STK3: variants seen among roughly 807,000 people sequenced by gnomAD.
STK3 encodes serine/threonine kinase 3, also known as serine/threonine-protein kinase 3.
Under a neutral mutation model 58.0 loss-of-function variants are expected in STK3, and 41 were observed. The ratio of observed to expected loss-of-function variants is 0.71; its 90% CI spans 0.55 to 0.92. The LOEUF (loss-of-function observed/expected upper bound fraction) is 0.92. STK3 is among the 40% of genes least tolerant of loss of function. STK3 has a pLI of 0.00. For missense variants in STK3, 479 were observed against 602.7 expected (o/e 0.79, Z 2.15); for synonymous variants, 170 against 191.0 (o/e 0.89, Z 0.91).
chr8:98,792,742 C>T (rs1832884705), intron 1 of STK3, among the ~76,000 whole-genome samples: 1 of 152,126 alleles, frequency 6.6e-6, no homozygotes, highest in South Asian at 2.1e-4. Flanking sequence ...CCATTTGCTC[C>T]AGCAATCCCA....
intron 3 of STK3, among the ~76,000 whole-genome samples, chr8:98,860,323 G>C (rs563627377): frequency 1.3e-5 from 2 of 152,344 alleles, no homozygotes; most frequent in South Asian, 4.1e-4. Flanking sequence ...GTCTCCCAGA[G>C]AGGTGACGTC....
rs1166010150 is a variant in STK3 at position 98,633,915 on chromosome 8, CT to C, written c.685-37747del. 1.4e-5 allele frequency: 4 copies of C among 281,158 alleles called. No individual in the cohort carries two copies. The Admixed American group carries it at 1.9e-4, about 13-fold the overall frequency. The allele number at this position is 281,158 out of a possible 1,614,324, so 17.4% of individuals were successfully genotyped here. A position where few individuals can be genotyped will look rare whatever the true frequency, so the allele number is the denominator to read the frequency against. ...AACCTGGTAAGTTGTCAAGGGTTAG[CT>C]GTACAACTAGCTAGAAGTTTCAGAA... On this transcript the variant is annotated intron_variant, in intron 6 of 10. Coordinates refer to ENST00000419617, the MANE Select transcript of STK3 (RefSeq NM_006281.4).
At chr8:98,636,568 G>A (rs1304438368) in intron 6 of STK3, among the ~76,000 whole-genome samples, 1 of 152,082 alleles carries the variant, frequency 6.6e-6, no homozygotes, top group Non-Finnish European at 1.5e-5. Context: ...AGAAATATGT[G>A]TTAAAGACAA....
At chr8:98,776,747 C>T (rs6991345) in intron 1 of STK3, among the ~76,000 whole-genome samples, 2,681 of 147,842 alleles carry the variant, frequency 0.018, 73 homozygotes, top group African/African-American at 0.064. Flanking sequence ...TTCTGTATGT[C>T]AAGATAAAAA....
chr8:98,471,094 GTGGCTTACAGCTCGATCAC>G (rs1009599788), intron 10 of STK3, among the ~76,000 whole-genome samples: 2 of 152,188 alleles, frequency 1.3e-5, no homozygotes, highest in African/African-American at 4.8e-5. Context: ...TAGAGGATGA[GTGGCTTACAGCTCGATCAC>G]TGGCTCCTGA....
chr8:98,651,290 A>G (rs767049368), intron 6 of STK3, among the ~76,000 whole-genome samples: 1 of 152,214 alleles, frequency 6.6e-6, no homozygotes, highest in Non-Finnish European at 1.5e-5. Context: ...TCCTGTCTGT[A>G]GGAAGGAAAA....
At chr8:98,924,774 T>G (rs572570976) in intron 1 of STK3, among the ~76,000 whole-genome samples, 2 of 152,300 alleles carry the variant, frequency 1.3e-5, no homozygotes, top group South Asian at 4.1e-4. Context: ...AACTCAGTAT[T>G]AGAAGCTAGG....
chr8:98,435,597 C>A (rs557633327), intron 2 of STK3, among the ~76,000 whole-genome samples: 1 of 149,186 alleles, frequency 6.7e-6, no homozygotes, highest in African/African-American at 2.5e-5. Context: ...TGCAGGTGGA[C>A]GGGGAGGCGG....
chr8:98,452,589 G>A (rs975836734), downstream of STK3, among the ~76,000 whole-genome samples: 1 of 151,936 alleles, frequency 6.6e-6, no homozygotes, highest in Non-Finnish European at 1.5e-5. Flanking sequence ...TTACATTCAC[G>A]ATACTGTATT....
chr8:98,751,069 C>T (rs1829944629), intron 3 of STK3, among the ~76,000 whole-genome samples: 1 of 152,238 alleles, frequency 6.6e-6, no homozygotes, highest in Non-Finnish European at 1.5e-5. Context: ...ATGTTAAAAA[C>T]TCTCAACAAA....
chr8:98,446,882 A>G (rs747679405), intron 1 of STK3, among the ~76,000 whole-genome samples: 5 of 152,340 alleles, frequency 3.3e-5, no homozygotes, highest in Non-Finnish European at 7.3e-5. Context: ...TACAGTATAT[A>G]TACACCATAG....
chr8:98,792,896 A>ATGTGTGTG (rs34465301), intron 1 of STK3, among the ~76,000 whole-genome samples: 29 of 145,758 alleles, frequency 2.0e-4, no homozygotes, highest in East Asian at 8.0e-4. Flanking sequence ...AAGAGACTGT[A>ATGTGTGTG]TGTGTGTGTG....
intron 10 of STK3, among the ~76,000 whole-genome samples, chr8:98,504,970 T>A (rs1227297898): frequency 6.6e-6 from 1 of 152,212 alleles, no homozygotes; most frequent in Non-Finnish European, 1.5e-5. Context: ...TCCTGGATAA[T>A]ATCCTGAAAA....
intron 4 of STK3, among the ~76,000 whole-genome samples, chr8:98,737,798 C>CG (rs1385538859): frequency 6.6e-6 from 1 of 152,064 alleles, no homozygotes; most frequent in Non-Finnish European, 1.5e-5. Context: ...ACCTCTGCCC[C>CG]GCAGGTTCAA....
At chr8:98,740,257 C>G (rs1227390252) in intron 4 of STK3, among the ~76,000 whole-genome samples, 1 of 152,044 alleles carries the variant, frequency 6.6e-6, no homozygotes, top group East Asian at 1.9e-4. Context: ...CACAAAGATA[C>G]TCCTCGAGAA....
At chr8:98,589,974 A>C (rs556917448) in intron 7 of STK3, among the ~76,000 whole-genome samples, 182 of 152,194 alleles carry the variant, frequency 1.2e-3, no homozygotes, top group African/African-American at 4.1e-3. Flanking sequence ...CGGTGCACGC[A>C]CCCACTGACC....
intron 6 of STK3, among the ~76,000 whole-genome samples, chr8:98,607,531 C>T (rs1235511633): frequency 6.6e-6 from 1 of 152,152 alleles, no homozygotes. Context: ...TTAAAAAATA[C>T]TCTTTTTAGC....
chr8:98,858,323 T>TATATATATATATATATATATATAG (rs1189807446), intron 3 of STK3, among the ~76,000 whole-genome samples: 1 of 16,276 alleles, frequency 6.1e-5, no homozygotes, highest in Non-Finnish European at 1.0e-4. Flanking sequence ...TATATATATA[T>TATATATATATATATATATATATAG]AGAGAGAGAG....
At chr8:98,491,162 C>CGAGAGAGAGAGAGAGA (rs61704241) in intron 10 of STK3, among the ~76,000 whole-genome samples, 4 of 142,844 alleles carry the variant, frequency 2.8e-5, no homozygotes, top group African/African-American at 1.0e-4. Context: ...AAAATAAACA[C>CGAGAGAGAGAGAGAGA]GAGAGAGAGA....
Sources: allele counts gnomAD v4.1 joint callset (sites outside exome capture counted in the v4.1 genomes callset), GRCh38; gene constraint gnomAD v4.1.1; transcripts MANE v1.5; gene names NCBI Gene and HGNC (gene_info 2026-07-23, HGNC 2026-07-21).